The following NUDCD1 variants were observed in gnomAD, a reference collection of about 807,000 sequenced individuals.
The protein encoded by NUDCD1 is NudC domain containing 1.
NUDCD1 carries 60 observed loss-of-function variants against 67.8 expected under a neutral mutation model. That is an observed-to-expected ratio of 0.88 (90% CI 0.72 to 1.10). The LOEUF is 1.10. Among genes scored for constraint, NUDCD1 ranks in the 50% least tolerant of loss-of-function variants. The probability of loss-of-function intolerance (pLI) is 0.00; values close to 1 mark genes in which losing one functional copy is unlikely to be tolerated. For missense variants in NUDCD1, 643 were observed against 695.0 expected, an observed-to-expected ratio of 0.93 and a Z score of 0.84; for synonymous variants, 244 against 230.8, an observed-to-expected ratio of 1.06 and a Z score of -0.52.
intron 1 of NUDCD1, among the ~76,000 whole-genome samples, chr8:109,331,584 A>G (rs1422397597): frequency 6.6e-6 from 1 of 152,122 alleles, no homozygotes; most frequent in African/African-American, 2.4e-5. Context: ...TCCCAAACAC[A>G]GAATCTAAGA....
In NUDCD1 at chr8:109,290,265, T is replaced by C. The variant is rs151089588; in HGVS notation, c.641-332A>G. Among the ~76,000 whole-genome samples, 808 of 152,264 alleles carry C rather than the reference T, an allele frequency of 5.3e-3. 6 individuals are homozygous for C. The highest frequency in any genetic ancestry group is 9.3e-3 in the Non-Finnish European group (633 of 68,016). ...ATTTTAATTGCTCAATAGCCACACA[T>C]GGCTAGTAGCTACTGCAGTGAATGG... On this transcript the variant is annotated intron_variant, in intron 4 of 9. Coordinates refer to ENST00000239690, the MANE Select transcript of NUDCD1 (RefSeq NM_032869.4).
chr8:109,320,856 C>T (rs1033934115), intron 2 of NUDCD1, among the ~76,000 whole-genome samples: 2 of 152,122 alleles, frequency 1.3e-5, no homozygotes, highest in African/African-American at 2.4e-5. Flanking sequence ...TCCCTGACTT[C>T]CCGCAACATC....
chr8:109,269,863 A>G (rs1168887906), intron 8 of NUDCD1, among the ~76,000 whole-genome samples: 1 of 151,376 alleles, frequency 6.6e-6, no homozygotes, highest in Admixed American at 6.6e-5. Flanking sequence ...GCTCACATAA[A>G]CAACTCTATG....
intron 3 of NUDCD1, among the ~76,000 whole-genome samples, chr8:109,295,479 A>G (rs972340008): frequency 6.6e-6 from 1 of 152,152 alleles, no homozygotes; most frequent in Admixed American, 6.6e-5. Flanking sequence ...TGTTCTGGTT[A>G]TTTACTGTGT....
At chr8:109,258,015 T>C (rs1458061808) in intron 8 of NUDCD1, among the ~76,000 whole-genome samples, 1 of 152,106 alleles carries the variant, frequency 6.6e-6, no homozygotes, top group East Asian at 1.9e-4. Flanking sequence ...TTAATTTTGA[T>C]CCAATTGATC....
intron 4 of NUDCD1, among the ~76,000 whole-genome samples, chr8:109,291,526 C>A (rs1464892676): frequency 6.6e-6 from 1 of 152,088 alleles, no homozygotes; most frequent in Non-Finnish European, 1.5e-5. Context: ...CATTTTCAAA[C>A]TTATCTGACC....
intron 9 of NUDCD1, among the ~76,000 whole-genome samples, chr8:109,243,618 A>G (rs938936688): frequency 6.6e-6 from 1 of 152,166 alleles, no homozygotes; most frequent in Non-Finnish European, 1.5e-5. Flanking sequence ...AAAACACTCA[A>G]TACATGACAA....
At chr8:109,247,163 T>C (rs1170805826) in intron 8 of NUDCD1, among the ~76,000 whole-genome samples, 3 of 152,196 alleles carry the variant, frequency 2.0e-5, no homozygotes, top group Non-Finnish European at 2.9e-5. Context: ...TTTATTATTA[T>C]GTTTGACAGA....
At position 109,333,932 on chromosome 8, in the gene NUDCD1, G is replaced by A. The variant is rs201844231; in HGVS notation, c.79C>T (p.Leu27Phe). The change falls in exon 1 of 10, where the codon CTT (leucine) becomes TTT (phenylalanine). Residue 27 changes from leucine to phenylalanine, a missense_variant. Leu to Phe is a conservative substitution (Grantham distance 22). Transcript: ENST00000239690. ...DPRFEGYKLS[L>F]EPLPCYQLEL... ...AGCTGGTAACAAGGCAGCGGCTCAA[G>A]AGAGAGCTTGTAACCCTCGAAGCGG... is the stretch of plus-strand genomic sequence containing the variant. 8 of 1,614,194 alleles carry A rather than the reference G, an allele frequency of 5.0e-6. No individual in the cohort carries two copies. The highest frequency in any genetic ancestry group is 2.2e-5 in the East Asian group (1 of 44,876).
In NUDCD1 at chr8:109,289,920, A is replaced by G; in HGVS notation, c.654T>C (p.Tyr218=). ...GGAGAATATCACGCTTAATAATTTC[A>G]TATTTTTTATTATCTGTAAGAAAAG... ...ISKKNQDNKK[Y]EIIKRDILRG... The change falls in exon 5 of 10, where the codon TAT becomes TAC. Residue 218 remains tyrosine (Y), a synonymous_variant. Transcript: ENST00000239690. The G allele has an allele frequency of 6.8e-7, 1 of 1,477,772 alleles. No homozygotes were observed. The highest frequency in any genetic ancestry group is 9.0e-7 in the Non-Finnish European group (1 of 1,106,590). 91.5% of individuals were successfully genotyped at this position (1,477,772 alleles called of 1,614,324 possible).
intron 2 of NUDCD1, among the ~76,000 whole-genome samples, chr8:109,309,350 AAAC>A (rs1378353373): frequency 1.3e-5 from 2 of 152,224 alleles, no homozygotes; most frequent in African/African-American, 4.8e-5. Context: ...ACAGAATTAA[AAAC>A]AAAAATCACA....
At chr8:109,281,938 T>C (rs1814448157) in intron 5 of NUDCD1, among the ~76,000 whole-genome samples, 1 of 152,194 alleles carries the variant, frequency 6.6e-6, no homozygotes, top group Non-Finnish European at 1.5e-5. Flanking sequence ...GGGCCCTCCC[T>C]GCTCCATGCC....
chr8:109,274,849 G>A (rs946798515), intron 7 of NUDCD1, among the ~76,000 whole-genome samples: 16 of 152,116 alleles, frequency 1.1e-4, no homozygotes, highest in African/African-American at 3.9e-4. Flanking sequence ...CACGTCATGA[G>A]AGTGGGAATG....
chr8:109,308,648 T>C (rs1463975191), intron 2 of NUDCD1, among the ~76,000 whole-genome samples: 1 of 151,916 alleles, frequency 6.6e-6, no homozygotes, highest in Non-Finnish European at 1.5e-5. Context: ...ATGGGAGACA[T>C]TACAATTTAA....
chr8:109,250,708 T>C (rs1813604350), intron 8 of NUDCD1, among the ~76,000 whole-genome samples: 1 of 152,184 alleles, frequency 6.6e-6, no homozygotes, highest in Admixed American at 6.5e-5. Flanking sequence ...ATTCTTTTTC[T>C]GCAACTACTA....
chr8:109,320,438 G>A (rs914246730), intron 2 of NUDCD1, among the ~76,000 whole-genome samples: 5 of 152,226 alleles, frequency 3.3e-5, no homozygotes, highest in South Asian at 2.1e-4. Context: ...GCTCTGTTCC[G>A]CCCAGCTCAC....
At chr8:109,252,750 A>T (rs1813650051) in intron 8 of NUDCD1, among the ~76,000 whole-genome samples, 1 of 152,164 alleles carries the variant, frequency 6.6e-6, no homozygotes, top group South Asian at 2.1e-4. Context: ...TCTTCTTGAC[A>T]TACTTTTCCT....
chr8:109,291,781 G>A (rs899802195), intron 4 of NUDCD1, among the ~76,000 whole-genome samples: 1 of 152,090 alleles, frequency 6.6e-6, no homozygotes. Context: ...GAAGACAAAC[G>A]GGATGGAGAA....
chr8:109,333,824 G>T, intron 1 of NUDCD1, 69 bp downstream of exon 1: 1 of 1,520,378 alleles, frequency 6.6e-7, no homozygotes, highest in Non-Finnish European at 9.0e-7. Flanking sequence ...AGAAATTGCG[G>T]GAAGGGTCAG....
Sources: gnomAD v4.1 joint callset for allele counts (sites outside exome capture counted in the v4.1 genomes callset) on GRCh38, gnomAD v4.1.1 for gene constraint, MANE v1.5 for transcripts, NCBI Gene and HGNC (gene_info 2026-07-23, HGNC 2026-07-21) for gene names.